ULK4: variants seen among roughly 807,000 people sequenced by gnomAD.
ULK4 encodes the protein unc-51 like kinase 4, also known as inactive serine/threonine-protein kinase ULK4.
A neutral mutation model predicts 160.6 loss-of-function variants in ULK4; 133 were observed. That is an observed-to-expected ratio of 0.83 (90% CI 0.72 to 0.96). ULK4 has a LOEUF of 0.96. ULK4 is among the 40% of genes least tolerant of loss of function. The probability of loss-of-function intolerance (pLI) is 0.00; values close to 1 mark genes in which losing one functional copy is unlikely to be tolerated. For missense variants in ULK4, 1,580 were observed against 1,499.5 expected (o/e 1.05, Z -0.89); for synonymous variants, 534 against 539.8 (o/e 0.99, Z 0.15).
intron 31 of ULK4, among the ~76,000 whole-genome samples, chr3:41,582,306 C>G (rs989742973): frequency 6.6e-6 from 1 of 152,082 alleles, no homozygotes; most frequent in Admixed American, 6.5e-5. Context: ...TCCATTAAAC[C>G]TCTTTTTCTT....
At chr3:41,323,712 G>A (rs1172123607) in intron 35 of ULK4, among the ~76,000 whole-genome samples, 10 of 152,058 alleles carry the variant, frequency 6.6e-5, no homozygotes, top group Admixed American at 6.6e-4. Context: ...TCCCACGAGT[G>A]CTTACAGATG....
chr3:41,874,234 G>A (rs186940485), intron 17 of ULK4, among the ~76,000 whole-genome samples: 4 of 152,218 alleles, frequency 2.6e-5, no homozygotes, highest in Admixed American at 6.5e-5. Flanking sequence ...TGGTGCAATC[G>A]TGCATCTTAA....
chr3:41,869,239 A>G (rs1189718654), intron 17 of ULK4: 1 of 152,138 alleles, frequency 6.6e-6, no homozygotes, highest in Non-Finnish European at 1.5e-5. Context: ...ATATTATTTC[A>G]CATATGTGTA....
chr3:41,561,793 G>A (rs1295474816), intron 32 of ULK4, among the ~76,000 whole-genome samples: 1 of 151,932 alleles, frequency 6.6e-6, no homozygotes, highest in Middle Eastern at 3.2e-3. Flanking sequence ...TTAAGTCGTT[G>A]ATCTTTTGAA....
At chr3:41,871,862 C>CT (rs1362900533) in intron 17 of ULK4, among the ~76,000 whole-genome samples, 1 of 151,864 alleles carries the variant, frequency 6.6e-6, no homozygotes, top group Admixed American at 6.6e-5. Flanking sequence ...AACTTTTTTT[C>CT]TTTTATAGAT....
chr3:41,720,059 CTTAAA>C (rs1161424161), intron 22 of ULK4, among the ~76,000 whole-genome samples: 1 of 152,086 alleles, frequency 6.6e-6, no homozygotes, highest in African/African-American at 2.4e-5. Flanking sequence ...CAATGATTTC[CTTAAA>C]TTAAAGCCCT....
At chr3:41,896,415 C>A (rs1229670504) in intron 15 of ULK4, among the ~76,000 whole-genome samples, 1 of 152,064 alleles carries the variant, frequency 6.6e-6, no homozygotes, top group Non-Finnish European at 1.5e-5. Flanking sequence ...CTGCCACACC[C>A]AGCTAATTTT....
intron 22 of ULK4, among the ~76,000 whole-genome samples, chr3:41,730,460 C>T (rs1460670506): frequency 6.6e-6 from 1 of 151,878 alleles, no homozygotes; most frequent in African/African-American, 2.4e-5. Flanking sequence ...ATGTCACAGA[C>T]TAAAAAGAAT....
intron 32 of ULK4, among the ~76,000 whole-genome samples, chr3:41,559,540 G>C (rs1190209541): frequency 5.8e-5 from 3 of 51,382 alleles, no homozygotes; most frequent in Non-Finnish European, 1.9e-4. Context: ...AGCACCTCTT[G>C]TTTCCTGACT....
chr3:41,381,701 A>G (rs2125795403), intron 35 of ULK4, among the ~76,000 whole-genome samples: 1 of 152,250 alleles, frequency 6.6e-6, no homozygotes, highest in Middle Eastern at 3.4e-3. Context: ...ACCCCCTGAC[A>G]TGTATCTCTT....
intron 12 of ULK4, among the ~76,000 whole-genome samples, chr3:41,903,588 GA>G (rs71075493): frequency 0.68 from 93,697 of 138,228 alleles, 33,535 homozygotes; most frequent in East Asian, 0.82. Flanking sequence ...CTGTCTCAAA[GA>G]AAAAAAAAAA....
At chr3:41,627,747 T>C (rs1312203356) in intron 30 of ULK4, among the ~76,000 whole-genome samples, 3 of 152,174 alleles carry the variant, frequency 2.0e-5, no homozygotes, top group Non-Finnish European at 4.4e-5. Flanking sequence ...TTAACTTCTA[T>C]CACAGATATG....
chr3:41,920,905 GA>G (rs1240428280), intron 5 of ULK4, among the ~76,000 whole-genome samples: 1 of 152,168 alleles, frequency 6.6e-6, no homozygotes, highest in Non-Finnish European at 1.5e-5. Flanking sequence ...AACGCCCATG[GA>G]ACACCCTTGC....
At chr3:41,451,805 A>C (rs1444857972) in intron 34 of ULK4, among the ~76,000 whole-genome samples, 1 of 152,148 alleles carries the variant, frequency 6.6e-6, no homozygotes, top group Non-Finnish European at 1.5e-5. Context: ...GTAGGCCTCA[A>C]ATGGTCGGAT....
chr3:41,316,548 G>A (rs962823923), intron 35 of ULK4, among the ~76,000 whole-genome samples: 1 of 152,158 alleles, frequency 6.6e-6, no homozygotes, highest in Non-Finnish European at 1.5e-5. Flanking sequence ...GTACTTATAA[G>A]TGAGAGTTAA....
chr3:41,956,869 C>T (rs1365840121), intron 1 of ULK4, among the ~76,000 whole-genome samples: 1 of 152,216 alleles, frequency 6.6e-6, no homozygotes, highest in Non-Finnish European at 1.5e-5. Flanking sequence ...ACTCTACAGC[C>T]TGCACAAACC....
intron 21 of ULK4, among the ~76,000 whole-genome samples, chr3:41,759,707 A>G (rs1001871270): frequency 6.6e-6 from 1 of 152,160 alleles, no homozygotes; most frequent in African/African-American, 2.4e-5. Context: ...GAATTGCACA[A>G]TAATTTTAAG....
intron 22 of ULK4, among the ~76,000 whole-genome samples, chr3:41,750,785 C>T (rs1296158166): frequency 1.3e-5 from 2 of 151,516 alleles, no homozygotes; most frequent in Non-Finnish European, 2.9e-5. Context: ...TATTTGAGGT[C>T]GGGAGTTCAG....
intron 32 of ULK4, among the ~76,000 whole-genome samples, chr3:41,541,077 T>C (rs1368627550): frequency 6.6e-6 from 1 of 152,218 alleles, no homozygotes; most frequent in African/African-American, 2.4e-5. Flanking sequence ...CCATTGCTTT[T>C]GGTATTTTAG....
Sources: allele counts gnomAD v4.1 joint callset (sites outside exome capture counted in the v4.1 genomes callset), GRCh38; gene constraint gnomAD v4.1.1; transcripts MANE v1.5; gene names NCBI Gene and HGNC (gene_info 2026-07-23, HGNC 2026-07-21).